Variants in ATG2B observed in about 807,000 individuals in gnomAD.
ATG2B encodes autophagy-related protein 2 homolog B.
ATG2B carries 121 observed loss-of-function variants against 241.3 expected under a neutral mutation model. The ratio of observed to expected loss-of-function variants is 0.50; its 90% CI spans 0.43 to 0.58. The LOEUF is 0.58. Among genes scored for constraint, ATG2B ranks in the 20% least tolerant of loss-of-function variants. The pLI is 0.00. For missense variants in ATG2B, 2,306 were observed against 2,491.6 expected (o/e 0.93, Z 1.59); for synonymous variants, 858 against 876.6 (o/e 0.98, Z 0.37).
rs1595326216 is a variant in ATG2B at position 96,339,936 on chromosome 14, A to T, written c.924+1586T>A. On this transcript the variant is annotated intron_variant, in intron 6 of 41. Transcript: ENST00000359933. Reference sequence around the variant, plus strand: ...AAACTAAAAATAGAACTTCCATATGATTCAACAATTCCACATAAGGTATAT... The same window carrying T: ...AAACTAAAAATAGAACTTCCATATGTTTCAACAATTCCACATAAGGTATAT... Among the ~76,000 whole-genome samples the T allele has an allele frequency of 3.3e-5, 5 of 151,476 alleles. 1 individual carries two copies. The Admixed American group carries it at 3.3e-4, about 10-fold the overall frequency.
At chr14:96,309,648 C>T (rs1887095667) in intron 28 of ATG2B, 54 bp from the exon 29 acceptor site, 2 of 1,506,780 alleles carry the variant, frequency 1.3e-6, no homozygotes, top group East Asian at 4.6e-5. Flanking sequence ...AAAAACCAAA[C>T]TACTTACATT....
At chr14:96,316,050 T>C (rs1323068474) in intron 21 of ATG2B, among the ~76,000 whole-genome samples, 1 of 152,194 alleles carries the variant, frequency 6.6e-6, no homozygotes, top group East Asian at 1.9e-4. Flanking sequence ...GGATGAACTT[T>C]GAAAGCGTGT....
At chr14:96,353,810 C>A (rs992982293) in intron 1 of ATG2B, among the ~76,000 whole-genome samples, 2 of 151,766 alleles carry the variant, frequency 1.3e-5, no homozygotes, top group Non-Finnish European at 2.9e-5. Flanking sequence ...AAAAGACAAG[C>A]ATAAACTATA....
At chr14:96,310,525 A>C (rs900520310) in intron 28 of ATG2B, among the ~76,000 whole-genome samples, 1 of 152,222 alleles carries the variant, frequency 6.6e-6, no homozygotes, top group African/African-American at 2.4e-5. Flanking sequence ...CTTGGGGCAG[A>C]AAAGTGCATT....
intron 29 of ATG2B, 137 bp downstream of exon 29, chr14:96,309,316 A>G (rs920899249): frequency 6.3e-6 from 7 of 1,111,626 alleles, no homozygotes; most frequent in African/African-American, 4.7e-5. Flanking sequence ...CTGAGTAGAC[A>G]CAAGCTGAAT....
rs1887654210 is a variant in ATG2B at position 96,328,798 on chromosome 14, T to C, written c.1882-32A>G. 4 of 1,498,038 alleles carry C rather than the reference T, an allele frequency of 2.7e-6. No individual in the cohort carries two copies. In the East Asian group the frequency reaches 9.1e-5, roughly 34 times the overall value. The allele number at this position is 1,498,038 out of a possible 1,614,324, so 92.8% of individuals were successfully genotyped here. ...AGTAAAGATGAAGATAAATTAAATG[T>C]ATTAATCACAAGAATTTACAGAGGT... On this transcript the variant is annotated intron_variant, in intron 12 of 41. Transcript: ENST00000359933.
chr14:96,328,450 C>T lies in ATG2B; in HGVS notation c.2060G>A (p.Ser687Asn). ...CAAGGAATTTAACCTGTCCACAATACTGATATCCAGCTCACAACACACTGG... is the reference window on the plus strand; with the variant it reads ...CAAGGAATTTAACCTGTCCACAATATTGATATCCAGCTCACAACACACTGG... ...LNPVCCELDISIVDRLNSLLQ... is the reference protein window; with the variant it reads ...LNPVCCELDINIVDRLNSLLQ... The change falls in exon 14 of 42, where the codon AGT becomes AAT. Residue 687 changes from serine to asparagine, a missense_variant. Transcript: ENST00000359933. 1 of 1,613,428 alleles carries T rather than the reference C, an allele frequency of 6.2e-7. No homozygotes were observed. Among genetic ancestry groups the T allele is most frequent in the Non-Finnish European group, 8.5e-7 (1 of 1,179,790 alleles).
chr14:96,294,528 A>G (rs1886577271), intron 36 of ATG2B, among the ~76,000 whole-genome samples: 1 of 152,230 alleles, frequency 6.6e-6, no homozygotes, highest in African/African-American at 2.4e-5. Context: ...GGAAAGACAC[A>G]TAACGACTGG....
chr14:96,345,638 A>G (rs953728771), intron 2 of ATG2B, among the ~76,000 whole-genome samples: 1 of 152,192 alleles, frequency 6.6e-6, no homozygotes, highest in South Asian at 2.1e-4. Context: ...ATATTTTACC[A>G]AATATCAATT....
chr14:96,327,876 G>A (rs1460932222), intron 14 of ATG2B, among the ~76,000 whole-genome samples: 1 of 152,136 alleles, frequency 6.6e-6, no homozygotes, highest in Non-Finnish European at 1.5e-5. Flanking sequence ...AAGCTGAAGT[G>A]CAGTGATGCG....
At position 96,332,379 on chromosome 14, in the gene ATG2B, T is replaced by C; in HGVS notation, c.1394A>G (p.His465Arg). The C allele has an allele frequency of 2.5e-6, 4 of 1,613,942 alleles. No individual in the cohort carries two copies. Among genetic ancestry groups the C allele is most frequent in the Non-Finnish European group, 3.4e-6 (4 of 1,179,824 alleles). ...CCCTCTTACTGGCTGTTCTTTATGA[T>C]GATCAAGGAACTCTCCCCAAGTGGG... ...LQPTWGEFLD[H>R]HKEQPVRGST... Residue 465 changes from histidine to arginine, a missense_variant, in exon 10 of 42, where the codon CAT becomes CGT. Around this residue, in one of 2 missense-constraint regions of ATG2B, gnomAD observed 1,927 missense variants for 2,011.2 expected, o/e 0.96. Transcript: ENST00000359933.
chr14:96,341,821 T>TA (rs1888044492), intron 5 of ATG2B, 120 bp from the exon 6 acceptor site: 2 of 775,558 alleles, frequency 2.6e-6, no homozygotes, highest in South Asian at 3.0e-5. Flanking sequence ...TGTATGATGT[T>TA]ACAATGGACA....
chr14:96,320,479 T>C (rs1272745186), intron 18 of ATG2B, among the ~76,000 whole-genome samples: 1 of 151,700 alleles, frequency 6.6e-6, no homozygotes, highest in Non-Finnish European at 1.5e-5. Context: ...CTGGGTACAC[T>C]TTATGCAAAA....
chr14:96,361,934 T>G (rs539583760), intron 1 of ATG2B, among the ~76,000 whole-genome samples: 97 of 152,292 alleles, frequency 6.4e-4, no homozygotes, highest in African/African-American at 2.2e-3. Flanking sequence ...AAGTAAGGGT[T>G]GGGCAAAGGG....
chr14:96,306,390 G>A (rs938224556), intron 30 of ATG2B, among the ~76,000 whole-genome samples: 2 of 151,934 alleles, frequency 1.3e-5, no homozygotes, highest in African/African-American at 2.4e-5. Flanking sequence ...TATCTTTCCC[G>A]ATTCTTGGAC....
intron 14 of ATG2B, among the ~76,000 whole-genome samples, chr14:96,327,445 C>T (rs191170392): frequency 6.6e-6 from 1 of 152,178 alleles, no homozygotes; most frequent in Non-Finnish European, 1.5e-5. Flanking sequence ...TTAGAAAAGA[C>T]CCCAGGCACC....
chr14:96,282,847 C>G lies in ATG2B; in HGVS notation c.*2908G>C, dbSNP rs1886235238. ...CTTGAAAAGTGACACACAACAGGAG[C>G]AGGAAACACCAGTTTTTAGTATTTT... is the stretch of plus-strand genomic sequence containing the variant. On this transcript the variant is annotated 3_prime_UTR_variant, in exon 42 of 42. Coordinates refer to ENST00000359933, the MANE Select transcript of ATG2B (RefSeq NM_018036.7). 6.6e-6 allele frequency: 1 copy of G among 152,202 alleles called. No homozygotes were observed. The highest frequency in any genetic ancestry group is 6.5e-5 in the Admixed American group (1 of 15,284). The allele number at this position is 152,202 out of a possible 1,614,324, so 9.4% of individuals were successfully genotyped here.
chr14:96,300,421 G>A (rs1197063443), intron 34 of ATG2B, among the ~76,000 whole-genome samples: 2 of 152,116 alleles, frequency 1.3e-5, no homozygotes, highest in East Asian at 3.9e-4. Flanking sequence ...AGCTGTTCAG[G>A]AGTCTGAGGC....
chr14:96,319,422 TTC>T (rs1887402612), intron 18 of ATG2B, among the ~76,000 whole-genome samples: 1 of 152,188 alleles, frequency 6.6e-6, no homozygotes. Flanking sequence ...GCAATTAGAA[TTC>T]TTTTTTATAT....
Sources: gnomAD v4.1 joint callset for allele counts (sites outside exome capture counted in the v4.1 genomes callset) on GRCh38, gnomAD v4.1.1 for gene constraint, gnomAD v4.1.1 regional missense constraint, MANE v1.5 for transcripts, NCBI Gene and HGNC (gene_info 2026-07-23, HGNC 2026-07-21) for gene names.